MTM1: variants seen among roughly 807,000 people sequenced by gnomAD.
The protein encoded by MTM1 is myotubularin.
A neutral mutation model predicts 52.1 loss-of-function variants in MTM1; 9 were observed. That is an observed-to-expected ratio of 0.17 (90% CI 0.10 to 0.30). The LOEUF (loss-of-function observed/expected upper bound fraction) is 0.30, where lower values mean the gene tolerates loss of function less well. Ranked by LOEUF, MTM1 falls within the 10% of genes least tolerant of loss-of-function variation. The pLI is 1.00. For synonymous variants in MTM1, 136 were observed against 163.8 expected, an observed-to-expected ratio of 0.83 and a Z score of 1.29; for missense variants, 277 against 470.7, an observed-to-expected ratio of 0.59 and a Z score of 3.81.
intron 6 of MTM1, among the ~76,000 whole-genome samples, chrX:150,631,344 A>C (rs2039662081): frequency 8.9e-6 from 1 of 111,892 alleles, no homozygotes; most frequent in African/African-American, 3.3e-5. Context: ...CCAATTAGGA[A>C]GATCTTCCCT....
rs1198809798 is a variant in MTM1, at chrX:150,652,718, A to G, written c.1053+2817A>G. Among the ~76,000 whole-genome samples, 5 of 103,176 alleles carry G rather than the reference A, an allele frequency of 4.8e-5. No homozygotes were observed. The South Asian group carries it at 2.3e-3, about 48-fold the overall frequency. 89.6% of individuals were successfully genotyped at this position (103,176 alleles called of 115,157 possible). ...ACATACATACAGAATTTAGAAAGGT[A>G]TCCACCAATATGTGAATAATTATTA... On this transcript the variant is annotated intron_variant, in intron 10 of 14. Transcript: ENST00000370396.
At chrX:150,594,031 C>T (rs1557412554) in intron 2 of MTM1, among the ~76,000 whole-genome samples, 1 of 110,767 alleles carries the variant, frequency 9.0e-6, no homozygotes, top group Non-Finnish European at 1.9e-5. Context: ...TTGTTCATGT[C>T]CTTTATTTGG....
At chrX:150,603,198 C>A (rs923927035) in intron 4 of MTM1, among the ~76,000 whole-genome samples, 1 of 111,686 alleles carries the variant, frequency 9.0e-6, no homozygotes, top group Non-Finnish European at 1.9e-5. Context: ...TGGAAAAGCA[C>A]CATTTGTTAT....
intron 10 of MTM1, among the ~76,000 whole-genome samples, chrX:150,653,828 A>C (rs782007612): frequency 8.9e-6 from 1 of 112,259 alleles, no homozygotes; most frequent in South Asian, 3.7e-4. Context: ...TGCTTCTTTT[A>C]AAGTATCATA....
At position 150,574,231 on chromosome X, in the gene MTM1, A is replaced by G. The variant is rs782576510; in HGVS notation, c.-11+5569A>G. Among the ~76,000 whole-genome samples the G allele has an allele frequency of 3.6e-5, 4 of 111,572 alleles. No homozygotes were observed. The South Asian group carries it at 1.5e-3, about 43-fold the overall frequency. On this transcript the variant is annotated intron_variant, in intron 1 of 14. Coordinates refer to ENST00000370396, the MANE Select transcript of MTM1 (RefSeq NM_000252.3). ...GTCCTTCCTTCACTATATCAACTCT[A>G]ATAATCTCCCCAGAGATTCCCATTA... is the stretch of plus-strand genomic sequence containing the variant.
intron 13 of MTM1, among the ~76,000 whole-genome samples, chrX:150,662,780 T>G (rs1484176847): frequency 3.7e-3 from 404 of 110,295 alleles, no homozygotes; most frequent in African/African-American, 0.013. Flanking sequence ...CTTTGATGTT[T>G]TTTTTTTTTC....
chrX:150,631,978 G>A (rs1199882477), intron 6 of MTM1, among the ~76,000 whole-genome samples: 1 of 111,970 alleles, frequency 8.9e-6, no homozygotes, highest in Non-Finnish European at 1.9e-5. Context: ...TATTGAAGCT[G>A]TATAAGATGT....
At chrX:150,615,543 G>A (rs1421826113) in intron 5 of MTM1, among the ~76,000 whole-genome samples, 1 of 110,644 alleles carries the variant, frequency 9.0e-6, no homozygotes, top group Non-Finnish European at 1.9e-5. Flanking sequence ...GCTGGCCCCT[G>A]GCCAATCCAA....
chrX:150,565,785 C>T (rs190551544), upstream of MTM1, among the ~76,000 whole-genome samples: 3 of 111,724 alleles, frequency 2.7e-5, no homozygotes, highest in Admixed American at 9.4e-5. Flanking sequence ...TTAGCAAAAG[C>T]GGGAGGACTC....
intron 2 of MTM1, among the ~76,000 whole-genome samples, chrX:150,593,925 C>A (rs1165699538): frequency 9.0e-6 from 1 of 110,611 alleles, no homozygotes; most frequent in Non-Finnish European, 1.9e-5. Flanking sequence ...GAGATCTCAC[C>A]ACTGCACTCC....
intron 14 of MTM1, among the ~76,000 whole-genome samples, chrX:150,665,471 G>T (rs1296048795): frequency 8.9e-6 from 1 of 112,740 alleles, no homozygotes; most frequent in Admixed American, 9.4e-5. Context: ...ATTTCATACA[G>T]AAATAGATTA....
intron 5 of MTM1, among the ~76,000 whole-genome samples, chrX:150,618,499 C>A (rs1424184874): frequency 9.1e-6 from 1 of 109,466 alleles, no homozygotes; most frequent in Non-Finnish European, 1.9e-5. Context: ...ACTAAAAATA[C>A]AAAAAATTAG....
chrX:150,593,367 T>A (rs1262643835), intron 2 of MTM1, among the ~76,000 whole-genome samples: 1 of 112,329 alleles, frequency 8.9e-6, no homozygotes, highest in African/African-American at 3.2e-5. Flanking sequence ...TTATTGGCAT[T>A]ATTTTCTAAT....
upstream of MTM1, among the ~76,000 whole-genome samples, chrX:150,564,335 G>C (rs1314262505): frequency 1.8e-5 from 2 of 111,696 alleles, no homozygotes; most frequent in East Asian, 2.8e-4. Flanking sequence ...TTAGCTATGG[G>C]TTTAATCAGT....
intron 10 of MTM1, among the ~76,000 whole-genome samples, chrX:150,650,854 C>T (rs1557414171): frequency 8.9e-6 from 1 of 112,047 alleles, no homozygotes; most frequent in African/African-American, 3.3e-5. Context: ...ACCTGACAGC[C>T]ACACCCCTGT....
intron 3 of MTM1, chrX:150,596,888 A>G (rs868955031): frequency 4.6e-6 from 1 of 216,028 alleles, no homozygotes; most frequent in Middle Eastern, 1.6e-3. Context: ...TAAGAGCAAA[A>G]TGATTTCCAG....
At chrX:150,659,841 A>G in intron 12 of MTM1, 85 bp downstream of exon 12, 2 of 799,256 alleles carry the variant, frequency 2.5e-6, no homozygotes, top group Non-Finnish European at 3.8e-6. Context: ...TGACCCCAAA[A>G]TAATACAGGG....
chrX:150,667,467 G>T (rs782052916), intron 14 of MTM1, among the ~76,000 whole-genome samples: 1 of 111,368 alleles, frequency 9.0e-6, no homozygotes, highest in South Asian at 3.8e-4. Context: ...TTGTTTGTCC[G>T]TCTCCCCCTG....
intron 11 of MTM1, among the ~76,000 whole-genome samples, chrX:150,658,301 A>G (rs1299266030): frequency 8.9e-6 from 1 of 112,321 alleles, no homozygotes; most frequent in Non-Finnish European, 1.9e-5. Flanking sequence ...AAGACAGACA[A>G]TTCTTTCTCA....
Sources: allele counts gnomAD v4.1 joint callset (sites outside exome capture counted in the v4.1 genomes callset), GRCh38; gene constraint gnomAD v4.1.1; transcripts MANE v1.5; gene names NCBI Gene and HGNC (gene_info 2026-07-23, HGNC 2026-07-21).